The following MANBAL variants were observed in gnomAD, a reference collection of about 807,000 sequenced individuals.
MANBAL encodes the protein protein MANBAL.
A neutral mutation model predicts 6.4 loss-of-function variants in MANBAL; 1 was observed. That is an observed-to-expected ratio of 0.16 (90% CI 0.06 to 0.74). MANBAL has a LOEUF of 0.74. Ranked by LOEUF, MANBAL falls within the 30% of genes least tolerant of loss-of-function variation. MANBAL has a pLI of 0.78. For missense variants in MANBAL, 100 were observed against 107.8 expected, an observed-to-expected ratio of 0.93 and a Z score of 0.32; for synonymous variants, 47 against 45.8, an observed-to-expected ratio of 1.03 and a Z score of -0.10.
intron 1 of MANBAL, among the ~76,000 whole-genome samples, chr20:37,294,190 T>G (rs951464806): frequency 6.6e-6 from 1 of 152,252 alleles, no homozygotes; most frequent in Non-Finnish European, 1.5e-5. Flanking sequence ...TTCCTAATTA[T>G]AGTGTCATAC....
chr20:37,314,269 C>T (rs1021773466), intron 2 of MANBAL, among the ~76,000 whole-genome samples: 5 of 152,034 alleles, frequency 3.3e-5, no homozygotes, highest in African/African-American at 4.8e-5. Flanking sequence ...GGAGGAGGGC[C>T]GGGCCTTCTG....
intron 2 of MANBAL, among the ~76,000 whole-genome samples, chr20:37,310,326 C>T (rs2069355773): frequency 6.6e-6 from 1 of 152,260 alleles, no homozygotes; most frequent in Non-Finnish European, 1.5e-5. Flanking sequence ...CTCAGGCCCT[C>T]ATGGCCCGCT....
rs191715581 is a variant in MANBAL at position 37,289,885 on chromosome 20, C to G, written c.-57+199C>G. Among the ~76,000 whole-genome samples the G allele has an allele frequency of 8.4e-3, 1,280 of 152,358 alleles. 6 individuals carry two copies. Among genetic ancestry groups the G allele is most frequent in the Non-Finnish European group, 0.013 (892 of 68,030 alleles). ...AGGGGAATTTGAGCCCCCCGGGAGGCGGAGGGCCTCGCCTGGGGCAGCCCT... is the reference window on the plus strand; with the variant it reads ...AGGGGAATTTGAGCCCCCCGGGAGGGGGAGGGCCTCGCCTGGGGCAGCCCT... On this transcript the variant is annotated intron_variant, in intron 1 of 2. Coordinates refer to ENST00000373606, the MANE Select transcript of MANBAL (RefSeq NM_001003897.2).
intron 1 of MANBAL, among the ~76,000 whole-genome samples, chr20:37,290,415 A>G (rs892933186): frequency 2.0e-5 from 3 of 150,586 alleles, no homozygotes; most frequent in Non-Finnish European, 2.9e-5. Context: ...ACCCATTGCC[A>G]TAAAGCGGTA....
At chr20:37,306,310 GT>G (rs1264071311) in intron 2 of MANBAL, among the ~76,000 whole-genome samples, 1 of 152,148 alleles carries the variant, frequency 6.6e-6, no homozygotes, top group Admixed American at 6.5e-5. Flanking sequence ...AATGTTTCCT[GT>G]TCTAGTAAGC....
chr20:37,302,947 C>T (rs2069171438), intron 2 of MANBAL, among the ~76,000 whole-genome samples: 2 of 152,148 alleles, frequency 1.3e-5, no homozygotes, highest in Admixed American at 1.3e-4. Context: ...AGGGTCTTGT[C>T]TGTTGCCCAG....
intron 1 of MANBAL, among the ~76,000 whole-genome samples, chr20:37,300,871 G>C (rs1325219359): frequency 6.6e-6 from 1 of 152,006 alleles, no homozygotes; most frequent in African/African-American, 2.4e-5. Flanking sequence ...GGCTGGGTGA[G>C]GTGGCTCACA....
chr20:37,311,569 C>T (rs866048366), intron 2 of MANBAL, among the ~76,000 whole-genome samples: 2 of 152,166 alleles, frequency 1.3e-5, no homozygotes, highest in South Asian at 2.1e-4. Context: ...CTCACGGCAG[C>T]CCCCACCTCC....
chr20:37,291,763 C>T (rs1191659050), intron 1 of MANBAL, among the ~76,000 whole-genome samples: 1 of 152,094 alleles, frequency 6.6e-6, no homozygotes, highest in Non-Finnish European at 1.5e-5. Context: ...CTCAGGAGAT[C>T]TGATGGTTTT....
intron 1 of MANBAL, among the ~76,000 whole-genome samples, chr20:37,298,396 T>C (rs1423333987): frequency 2.6e-5 from 4 of 152,300 alleles, no homozygotes; most frequent in Admixed American, 2.6e-4. Context: ...ATCTCCCCAT[T>C]TCCCTTCCCT....
At chr20:37,309,186 G>T (rs912760381) in intron 2 of MANBAL, among the ~76,000 whole-genome samples, 3 of 152,160 alleles carry the variant, frequency 2.0e-5, no homozygotes, top group African/African-American at 7.2e-5. Flanking sequence ...GGGAGTGCTG[G>T]CTTCCTTCCT....
chr20:37,291,063 A>G (rs1003447773), intron 1 of MANBAL, among the ~76,000 whole-genome samples: 16 of 152,258 alleles, frequency 1.1e-4, no homozygotes, highest in African/African-American at 3.1e-4. Context: ...CAGTCGTGAA[A>G]TCTGAGTTTT....
intron 2 of MANBAL, among the ~76,000 whole-genome samples, chr20:37,310,729 A>G (rs1284621129): frequency 6.6e-6 from 1 of 152,164 alleles, no homozygotes; most frequent in Non-Finnish European, 1.5e-5. Context: ...GCCTGTGTCC[A>G]CAGAGGACGC....
At chr20:37,309,508 G>A (rs2069333390) in intron 2 of MANBAL, among the ~76,000 whole-genome samples, 1 of 152,230 alleles carries the variant, frequency 6.6e-6, no homozygotes, top group Non-Finnish European at 1.5e-5. Flanking sequence ...GACAGCCGGT[G>A]GCCAGCATTG....
intron 1 of MANBAL, among the ~76,000 whole-genome samples, chr20:37,293,387 A>G (rs1600894545): frequency 6.6e-6 from 1 of 152,208 alleles, no homozygotes; most frequent in African/African-American, 2.4e-5. Flanking sequence ...GATCCCTCAC[A>G]TGCACAGTTC....
chr20:37,301,779 C>G lies in MANBAL; in HGVS notation c.150+366C>G, dbSNP rs111883689. ...ATAACAAGGGGGAGAGAGACCTGAT[C>G]TTACCCTGGGCTGTGGGCCCTGCCG... On this transcript the variant is annotated intron_variant, in intron 2 of 2. Coordinates refer to ENST00000373606, the MANE Select transcript of MANBAL (RefSeq NM_001003897.2). Among the ~76,000 whole-genome samples the G allele has an allele frequency of 2.4e-3, 363 of 152,338 alleles. 3 individuals are homozygous for G. The highest frequency in any genetic ancestry group is 8.4e-3 in the African/African-American group (348 of 41,580).
intron 2 of MANBAL, among the ~76,000 whole-genome samples, chr20:37,316,107 C>T (rs1475164902): frequency 3.9e-5 from 6 of 152,222 alleles, no homozygotes; most frequent in Non-Finnish European, 8.8e-5. Context: ...GCTCCCTCCC[C>T]GTGGGGCTTC....
Position 37,316,394 on chromosome 20 carries a change from A to G in MANBAL, c.237A>G (p.Lys79=), listed in dbSNP as rs762967642. 2.5e-5 allele frequency: 41 copies of G among 1,613,480 alleles called. No individual in the cohort carries two copies. Among genetic ancestry groups the G allele is most frequent in the Non-Finnish European group, 3.1e-5 (36 of 1,179,704 alleles). Residue 79 remains lysine (K), a synonymous_variant, in exon 3 of 3, where the codon AAA becomes AAG. Coordinates refer to ENST00000373606, the MANE Select transcript of MANBAL (RefSeq NM_001003897.2). ...AVPSVNKRPK[K]ETKKKR ...CTTCTGTGAACAAGAGGCCCAAGAAAGAGACTAAGAAGAAGCGGTAGAAGA... is the reference window on the plus strand; with the variant it reads ...CTTCTGTGAACAAGAGGCCCAAGAAGGAGACTAAGAAGAAGCGGTAGAAGA...
chr20:37,312,042 G>A (rs1284426725), intron 2 of MANBAL, among the ~76,000 whole-genome samples: 1 of 152,174 alleles, frequency 6.6e-6, no homozygotes, highest in Non-Finnish European at 1.5e-5. Context: ...TGACTTGGAG[G>A]TATCTAGCTT....
Sources: gnomAD v4.1 joint callset for allele counts (sites outside exome capture counted in the v4.1 genomes callset) on GRCh38, gnomAD v4.1.1 for gene constraint, MANE v1.5 for transcripts, NCBI Gene and HGNC (gene_info 2026-07-23, HGNC 2026-07-21) for gene names.